The following ABCC11 variants were observed in gnomAD, a reference collection of about 807,000 sequenced individuals.
The protein encoded by ABCC11 is ATP-binding cassette sub-family C member 11.
Under a neutral mutation model 149.3 loss-of-function variants are expected in ABCC11, and 135 were observed. The observed-to-expected ratio is 0.90, with a 90% CI of 0.79 to 1.04. The LOEUF (loss-of-function observed/expected upper bound fraction) is 1.04, where lower values mean the gene tolerates loss of function less well. Ranked by LOEUF, ABCC11 falls within the 50% of genes least tolerant of loss-of-function variation. The pLI, the probability that ABCC11 is intolerant of heterozygous loss-of-function variation, is 0.00. For synonymous variants in ABCC11, 665 were observed against 671.4 expected, an observed-to-expected ratio of 0.99 and a Z score of 0.15; for missense variants, 1,680 against 1,722.1, an observed-to-expected ratio of 0.98 and a Z score of 0.43.
At chr16:48,226,004 G>A (rs964726392) in intron 4 of ABCC11, among the ~76,000 whole-genome samples, 3 of 152,126 alleles carry the variant, frequency 2.0e-5, no homozygotes, top group Admixed American at 6.5e-5. Context: ...ACAATGGTTA[G>A]AGAAGAACAA....
chr16:48,189,123 G>A (rs1966849717), intron 20 of ABCC11, among the ~76,000 whole-genome samples: 2 of 152,204 alleles, frequency 1.3e-5, no homozygotes, highest in Non-Finnish European at 2.9e-5. Flanking sequence ...TTTCCAGAAT[G>A]TTTTATTAAA....
At chr16:48,181,561 C>G (rs943932624) in intron 23 of ABCC11, among the ~76,000 whole-genome samples, 2 of 151,940 alleles carry the variant, frequency 1.3e-5, no homozygotes, top group African/African-American at 4.8e-5. Flanking sequence ...AGCCACACAG[C>G]TAATAATGGG....
At position 48,175,295 on chromosome 16, in the gene ABCC11, T is replaced by C; in HGVS notation, c.3661A>G (p.Ile1221Val). 1.2e-6 allele frequency: 2 copies of C among 1,614,010 alleles called. No individual in the cohort carries two copies. Among genetic ancestry groups the C allele is most frequent in the Non-Finnish European group, 1.7e-6 (2 of 1,179,886 alleles). ...GAGAGCAGCACTGGATCTTGAGGGA[T>C]CACTGAGAGCTTGGACCGCAAGTCC... ...LEDLRSKLSV[I>V]PQDPVLLSGT... The change falls in exon 26 of 30, where the codon ATC (isoleucine) becomes GTC (valine). Residue 1221 changes from isoleucine to valine, a missense_variant. Coordinates refer to ENST00000356608, the MANE Select transcript of ABCC11 (RefSeq NM_001370497.1).
chr16:48,202,238 G>A (rs1312810100), intron 14 of ABCC11, among the ~76,000 whole-genome samples: 2 of 152,208 alleles, frequency 1.3e-5, no homozygotes, highest in Non-Finnish European at 2.9e-5. Flanking sequence ...ATGAGACCTT[G>A]TTCTTCCTAT....
chr16:48,220,682 C>T (rs543479204), intron 6 of ABCC11, among the ~76,000 whole-genome samples: 2 of 152,168 alleles, frequency 1.3e-5, no homozygotes, highest in Non-Finnish European at 2.9e-5. Flanking sequence ...GAACAAATTA[C>T]CTAAGGCCAC....
intron 1 of ABCC11, among the ~76,000 whole-genome samples, chr16:48,242,617 T>C (rs1316603383): frequency 6.6e-6 from 1 of 152,180 alleles, no homozygotes; most frequent in Non-Finnish European, 1.5e-5. Flanking sequence ...TGCGGCACTA[T>C]TCGCAATAGC....
intron 14 of ABCC11, among the ~76,000 whole-genome samples, 168 bp downstream of exon 14, chr16:48,203,060 C>T (rs896402253): frequency 3.9e-5 from 6 of 152,230 alleles, no homozygotes; most frequent in Admixed American, 2.6e-4. Context: ...AGCTGAGCCC[C>T]AACCTCCCTC....
intron 22 of ABCC11, 117 bp from the exon 23 acceptor site, chr16:48,184,743 G>C: frequency 9.2e-7 from 1 of 1,082,836 alleles, no homozygotes; most frequent in Non-Finnish European, 1.3e-6. Context: ...CAGCAGCAGG[G>C]CCTGATTTTT....
Position 48,166,567 on chromosome 16 carries a change from AC to A in ABCC11, c.*706del, listed in dbSNP as rs760888572. Among the ~76,000 whole-genome samples, 2 of 152,218 alleles carry A rather than the reference AC, an allele frequency of 1.3e-5. No homozygotes were observed. The highest frequency in any genetic ancestry group is 2.9e-5 in the Non-Finnish European group (2 of 68,034). On this transcript the variant is annotated 3_prime_UTR_variant, in exon 30 of 30. Transcript: ENST00000356608. Reference sequence around the variant, plus strand: ...CTCTGTTCCTTGCAACTGAATAAGTACTAGCTAACGTAAAAAGCAGAATGAA... The same window carrying A: ...CTCTGTTCCTTGCAACTGAATAAGTATAGCTAACGTAAAAAGCAGAATGAA...
intron 6 of ABCC11, among the ~76,000 whole-genome samples, chr16:48,216,772 C>A (rs949172398): frequency 6.6e-6 from 1 of 152,162 alleles, no homozygotes; most frequent in African/African-American, 2.4e-5. Flanking sequence ...TGGCTAAAAT[C>A]GGTGGAACCA....
At chr16:48,185,690 C>A (rs1162915718) in intron 22 of ABCC11, among the ~76,000 whole-genome samples, 4 of 152,132 alleles carry the variant, frequency 2.6e-5, no homozygotes, top group Admixed American at 6.5e-5. Context: ...GCAGAGTGGC[C>A]CTTCTGACTC....
At chr16:48,194,010 A>G (rs912652228) in intron 18 of ABCC11, 28 bp from the exon 19 acceptor site, 2 of 1,557,180 alleles carry the variant, frequency 1.3e-6, no homozygotes, top group South Asian at 1.1e-5. Context: ...GTGATGTACA[A>G]GTGCCACAAA....
At chr16:48,180,632 G>T (rs145600697) in intron 23 of ABCC11, among the ~76,000 whole-genome samples, 1 of 152,168 alleles carries the variant, frequency 6.6e-6, no homozygotes, top group Non-Finnish European at 1.5e-5. Flanking sequence ...CCCAATGCTC[G>T]AATGTAATTT....
Position 48,247,464 on chromosome 16 carries a change from G to GGTTAA in ABCC11, c.-170_-169insTTAAC, listed in dbSNP as rs140055185. The GGTTAA allele has an allele frequency of 4.5e-4, 69 of 152,454 alleles. No individual in the cohort carries two copies. The highest frequency in any genetic ancestry group is 7.8e-4 in the Admixed American group (12 of 15,306). The allele number at this position is 152,454 out of a possible 1,614,324, so 9.4% of individuals were successfully genotyped here. ...CGTTCTTTGCCACACAGAGTGGCAG[G>GGTTAA]ATTAGATGTTGACTTACCTCTGCCA... On this transcript the variant is annotated 5_prime_UTR_variant, in exon 1 of 30. Transcript: ENST00000356608.
chr16:48,196,979 T>C (rs1967478927), intron 17 of ABCC11, among the ~76,000 whole-genome samples: 1 of 152,188 alleles, frequency 6.6e-6, no homozygotes, highest in Non-Finnish European at 1.5e-5. Flanking sequence ...ATTTTAATCC[T>C]GAGGGAAATT....
Position 48,170,222 on chromosome 16 carries a change from C to A in ABCC11, c.3778-4G>T. 3 of 1,608,894 alleles carry A rather than the reference C, an allele frequency of 1.9e-6. No individual in the cohort carries two copies. The highest frequency in any genetic ancestry group is 2.6e-6 in the Non-Finnish European group (3 of 1,175,328). On this transcript the variant is annotated splice_region_variant and splice_polypyrimidine_tract_variant and intron_variant, in intron 27 of 29. Transcript: ENST00000356608. ...GCTTTTTGGGGAACTTTGAGATCTG[C>A]GATATGGGAAGAAGAGACAACATAA...
At chr16:48,172,173 T>A (rs1355176744) in intron 26 of ABCC11, among the ~76,000 whole-genome samples, 1 of 152,210 alleles carries the variant, frequency 6.6e-6, no homozygotes, top group African/African-American at 2.4e-5. Flanking sequence ...TCACTTCGTG[T>A]CCATCCATAT....
At chr16:48,174,101 T>A (rs1472265868) in intron 26 of ABCC11, among the ~76,000 whole-genome samples, 1 of 152,196 alleles carries the variant, frequency 6.6e-6, no homozygotes, top group African/African-American at 2.4e-5. Context: ...CTCATCCCAG[T>A]CGTAGCTCCC....
Position 48,216,257 on chromosome 16 carries a change from A to G in ABCC11, c.808T>C (p.Tyr270His). ...CCATAGCACACCCCTTCAAACAGGT[A>G]GTTTACATCACCGGTGAAGAAGCTG... ...AISFFTGDVN[Y>H]LFEGVCYGPL... The change falls in exon 7 of 30, where the codon TAC (tyrosine) becomes CAC (histidine). Residue 270 changes from tyrosine to histidine, a missense_variant. Transcript: ENST00000356608. The G allele has an allele frequency of 6.2e-7, 1 of 1,613,668 alleles. No homozygotes were observed. Among genetic ancestry groups the G allele is most frequent in the Non-Finnish European group, 8.5e-7 (1 of 1,179,932 alleles).
Sources: allele counts gnomAD v4.1 joint callset (sites outside exome capture counted in the v4.1 genomes callset), GRCh38; gene constraint gnomAD v4.1.1; transcripts MANE v1.5; gene names NCBI Gene and HGNC (gene_info 2026-07-23, HGNC 2026-07-21).